GREP1: variants seen among roughly 807,000 people sequenced by gnomAD.
GREP1 encodes the protein glycine rich extracellular protein 1.
intron 33 of GREP1, among the ~76,000 whole-genome samples, chr16:3,001,035 G>A (rs955208957): frequency 4.6e-5 from 7 of 152,120 alleles, no homozygotes; most frequent in Admixed American, 1.3e-4. Context: ...AGAAGAGCCC[G>A]GGACCCTGAG....
chr16:3,001,141 C>A (rs559050079), intron 33 of GREP1, 140 bp from the exon 28 acceptor site: 2 of 397,946 alleles, frequency 5.0e-6, no homozygotes, highest in East Asian at 3.6e-5. Context: ...CCTCTCCCCC[C>A]GGTCCTCTGA....
chr16:2,997,916 C>CT, intron 23 of GREP1, 81 bp downstream of exon 21: 1 of 398,436 alleles, frequency 2.5e-6, no homozygotes, highest in Non-Finnish European at 4.4e-6. Context: ...AAGCTGTACC[C>CT]TGTCTCCCCA....
chr16:2,993,462 C>T (rs1371902109), intron 10 of GREP1: 2 of 151,854 alleles, frequency 1.3e-5, no homozygotes, highest in African/African-American at 2.4e-5. Flanking sequence ...GGGCAACATT[C>T]CCAAGCTGGT....
At chr16:2,999,333 C>G (rs2072445519) in intron 27 of GREP1, 1 of 398,626 alleles carries the variant, frequency 2.5e-6, no homozygotes, top group African/African-American at 2.1e-5. Context: ...GCCCCACATC[C>G]CAGAGGGACA....
chr16:2,996,857 G>A (rs2072427304), intron 20 of GREP1, 152 bp downstream of exon 19: 2 of 399,082 alleles, frequency 5.0e-6, no homozygotes, highest in African/African-American at 4.1e-5. Context: ...AGAGGAGGTT[G>A]GGGAGAGACT....
In GREP1 at chr16:2,992,805, G is replaced by A; in HGVS notation, c.323G>A (p.Gly108Asp). 5.0e-6 allele frequency: 2 copies of A among 399,158 alleles called. No homozygotes were observed. The highest frequency in any genetic ancestry group is 8.8e-6 in the Non-Finnish European group (2 of 226,120). 24.7% of individuals were successfully genotyped at this position (399,158 alleles called of 1,614,324 possible). A position where few individuals can be genotyped will look rare whatever the true frequency, so the allele number is the denominator to read the frequency against. ...CACTCCTGTGTCTGCCCTCAAACAG[G>A]TCCTGCCGCTCAAAATGGCTTTGGA... Residue 108 changes from glycine (G) to aspartate (D), a missense_variant and splice_region_variant, in exon 9 of 35, where the codon GGT becomes GAT. Physicochemically the swap from Gly to Asp is moderately conservative, Grantham distance 94. Transcript: ENST00000573315. This position sits in a 1 kb window ranked among gnomAD's most constrained non-coding sequence, Gnocchi z 4.9.
Position 2,997,850 on chromosome 16 carries a change from C to G in GREP1, c.949+15C>G, listed in dbSNP as rs994325766. The G allele has an allele frequency of 7.5e-6, 3 of 398,574 alleles. No homozygotes were observed. The highest frequency in any genetic ancestry group is 6.2e-5 in the African/African-American group (3 of 48,580). The allele number at this position is 398,574 out of a possible 1,614,324, so 24.7% of individuals were successfully genotyped here. A position where few individuals can be genotyped will look rare whatever the true frequency, so the allele number is the denominator to read the frequency against. On this transcript the variant is annotated intron_variant, in intron 23 of 34. Transcript: ENST00000573315. ...TCAGAAGCCAGGTAAGCCCTTCCCA[C>G]TCCTCACTCTCCCTACCTGCAGAAA... is the stretch of plus-strand genomic sequence containing the variant.
At chr16:3,001,246 C>G (rs1233738429) in intron 33 of GREP1, 35 bp from the exon 28 acceptor site, 1 of 399,034 alleles carries the variant, frequency 2.5e-6, no homozygotes, top group Admixed American at 4.4e-5. Flanking sequence ...TCTCTGGTGA[C>G]CCGAGTGCTC....
chr16:2,995,109 C>T (rs958243803), intron 13 of GREP1, 147 bp downstream of exon 14: 8 of 398,102 alleles, frequency 2.0e-5, no homozygotes, highest in South Asian at 1.4e-4. Context: ...GAACCATAGG[C>T]GCTGTGTCCC....
intron 10 of GREP1, 32 bp from the exon 12 acceptor site, chr16:2,994,666 C>T (rs910703266): frequency 5.8e-5 from 23 of 398,568 alleles, no homozygotes; most frequent in South Asian, 3.8e-4. Context: ...TCCAGGGCTC[C>T]GGAGGGCCTT....
Position 2,995,616 on chromosome 16 carries a change from T to TA in GREP1, c.554-2dup, listed in dbSNP as rs2072420574. The TA allele has an allele frequency of 2.5e-6, 1 of 398,366 alleles. No homozygotes were observed. The allele number at this position is 398,366 out of a possible 1,614,324, so 24.7% of individuals were successfully genotyped here. Reference sequence around the variant, plus strand: ...TCCCCACCCCACCCTCCTCTCCCCATAGTCTTGACAGCCCAGAACCGATTT... The same window carrying TA: ...TCCCCACCCCACCCTCCTCTCCCCATAAGTCTTGACAGCCCAGAACCGATTT... On this transcript the variant is annotated splice_polypyrimidine_tract_variant and splice_region_variant and intron_variant, in intron 15 of 34. Transcript: ENST00000573315.
rs1478369120 is a variant in GREP1 at position 3,000,971 on chromosome 16, C to T, written c.1531+144C>T. ...AGGGGATGGAGTGAGTGAGAAGAGGCCAGGAGGGCATAGGCAGGAAGGAGC... is the reference window on the plus strand; with the variant it reads ...AGGGGATGGAGTGAGTGAGAAGAGGTCAGGAGGGCATAGGCAGGAAGGAGC... On this transcript the variant is annotated intron_variant, in intron 33 of 34. Transcript: ENST00000573315. 1.0e-5 allele frequency: 4 copies of T among 398,914 alleles called. No homozygotes were observed. The East Asian group carries it at 1.4e-4, about 14-fold the overall frequency. 24.7% of individuals were successfully genotyped at this position (398,914 alleles called of 1,614,324 possible).
chr16:3,001,153 A>G (rs1245107094), intron 33 of GREP1, 128 bp from the exon 28 acceptor site: 6 of 398,076 alleles, frequency 1.5e-5, no homozygotes, highest in Non-Finnish European at 2.7e-5. Flanking sequence ...GTCCTCTGAG[A>G]AACTGAGGCA....
chr16:2,999,623 T>A (rs2072448112), intron 27 of GREP1, among the ~76,000 whole-genome samples: 1 of 152,046 alleles, frequency 6.6e-6, no homozygotes, highest in African/African-American at 2.4e-5. Context: ...TGGCTAATCT[T>A]TGTATTTTTG....
At chr16:2,988,909 C>A in intron 2 of GREP1, 1 of 369,814 alleles carries the variant, frequency 2.7e-6, no homozygotes, top group Non-Finnish European at 4.8e-6. Context: ...ACCGGCAGGC[C>A]AAAGGGGGCC....
intron 20 of GREP1, 118 bp from the exon 20 acceptor site, chr16:2,996,935 T>TGCCCCACAGGCCTGGA: frequency 2.5e-6 from 1 of 399,044 alleles, no homozygotes; most frequent in Non-Finnish European, 4.4e-6. Context: ...TTCCCTTTTT[T>TGCCCCACAGGCCTGGA]GCCCCACAGG....
At position 2,996,770 on chromosome 16, in the gene GREP1, C is replaced by G. The variant is rs969381601; in HGVS notation, c.745+65C>G. 1.8e-5 allele frequency: 7 copies of G among 398,730 alleles called. No individual in the cohort carries two copies. The South Asian group carries it at 3.8e-4, about 22-fold the overall frequency. 24.7% of individuals were successfully genotyped at this position (398,730 alleles called of 1,614,324 possible). A position where few individuals can be genotyped will look rare whatever the true frequency, so the allele number is the denominator to read the frequency against. The stretch of plus-strand genomic sequence containing the variant: ...GATCCTGGTGTTCTAGCTGGGTCTG[C>G]GTGGGACTCCCAGGGGAGGGGTGAC... On this transcript the variant is annotated intron_variant, in intron 20 of 34. Coordinates refer to ENST00000573315, the Ensembl canonical transcript of GREP1.
intron 31 of GREP1, chr16:3,000,469 G>A (rs143578155): frequency 7.5e-6 from 3 of 399,242 alleles, no homozygotes; most frequent in African/African-American, 6.2e-5. Context: ...TAGGAATAGT[G>A]AGTCAGACCC....
chr16:2,994,518 A>T, intron 10 of GREP1, 180 bp from the exon 12 acceptor site: 1 of 387,578 alleles, frequency 2.6e-6, no homozygotes, highest in East Asian at 3.7e-5. Flanking sequence ...TCAAGAAAAT[A>T]AAAAAAAGAG....
Sources: gnomAD v4.1 joint callset for allele counts (sites outside exome capture counted in the v4.1 genomes callset) on GRCh38, gnomAD v4.1.1 for gene constraint, Gnocchi (gnomAD v3.1) non-coding constraint, MANE v1.5 for transcripts, NCBI Gene and HGNC (gene_info 2026-07-23, HGNC 2026-07-21) for gene names.